PARD6G: variants seen among roughly 807,000 people sequenced by gnomAD.
PARD6G encodes par-6 family cell polarity regulator gamma.
Under a neutral mutation model 10.7 loss-of-function variants are expected in PARD6G, and 7 were observed. The observed-to-expected ratio is 0.66, with a 90% CI of 0.37 to 1.23. The LOEUF (loss-of-function observed/expected upper bound fraction) is 1.23. PARD6G is among the 50% of genes most tolerant of loss of function. PARD6G has a pLI of 0.02. For missense variants in PARD6G, 548 were observed against 571.8 expected (o/e 0.96, Z 0.42); for synonymous variants, 287 against 269.4 (o/e 1.07, Z -0.64).
At chr18:80,170,436 C>T (rs1044454539) in intron 2 of PARD6G, 1 of 152,418 alleles carries the variant, frequency 6.6e-6, no homozygotes, top group Non-Finnish European at 1.5e-5. Flanking sequence ...CCCCATCTGC[C>T]AGAGCAAATC....
intron 2 of PARD6G, among the ~76,000 whole-genome samples, chr18:80,193,086 C>T (rs983441517): frequency 2.0e-5 from 3 of 152,114 alleles, no homozygotes; most frequent in African/African-American, 4.8e-5. Context: ...TAATTTAACT[C>T]GGAGACCCAC....
chr18:80,240,103 C>T (rs973820267), intron 1 of PARD6G, among the ~76,000 whole-genome samples: 5 of 152,218 alleles, frequency 3.3e-5, no homozygotes, highest in African/African-American at 9.7e-5. Context: ...GGCACCAAGC[C>T]ATTCACGAGG....
chr18:80,213,966 TCA>T (rs957348253), intron 1 of PARD6G, among the ~76,000 whole-genome samples: 1 of 146,214 alleles, frequency 6.8e-6, no homozygotes, highest in African/African-American at 2.6e-5. Flanking sequence ...AAAAAAAAGT[TCA>T]GTTTTGAGCA....
At chr18:80,234,136 T>G (rs1050834910) in intron 1 of PARD6G, among the ~76,000 whole-genome samples, 1 of 151,874 alleles carries the variant, frequency 6.6e-6, no homozygotes, top group African/African-American at 2.4e-5. Context: ...AGGCACGTTT[T>G]CCAAGAAAGA....
At chr18:80,235,867 G>C (rs149740862) in intron 1 of PARD6G, among the ~76,000 whole-genome samples, 3,849 of 152,060 alleles carry the variant, frequency 0.025, 154 homozygotes, top group African/African-American at 0.088. Flanking sequence ...TAATAGCTTA[G>C]CAACCAAAAA....
Position 80,182,132 on chromosome 18 carries a change from G to T in PARD6G, c.295+20578C>A, listed in dbSNP as rs1001811943. The stretch of plus-strand genomic sequence containing the variant: ...CAGCTGCTCACCCACAGTGCTCTGG[G>T]CCCCTCCCACTTCCACAACTGCGAC... On this transcript the variant is annotated intron_variant, in intron 2 of 2. Transcript: ENST00000353265. This position sits in a 1 kb window ranked among gnomAD's most constrained non-coding sequence, Gnocchi z 4.5. Among the ~76,000 whole-genome samples the T allele has an allele frequency of 6.6e-6, 1 of 152,190 alleles. No homozygotes were observed. Among genetic ancestry groups the T allele is most frequent in the Non-Finnish European group, 1.5e-5 (1 of 68,034 alleles).
At chr18:80,198,709 GA>G in intron 2 of PARD6G, among the ~76,000 whole-genome samples, 1 of 152,030 alleles carries the variant, frequency 6.6e-6, no homozygotes. Flanking sequence ...TTAAAGTTTT[GA>G]ACAAATATGT....
intron 1 of PARD6G, among the ~76,000 whole-genome samples, chr18:80,240,563 CAT>C (rs1348694586): frequency 3.9e-5 from 6 of 152,120 alleles, no homozygotes; most frequent in Non-Finnish European, 8.8e-5. Context: ...CCTCTGAAAA[CAT>C]GTGGGGAGGA....
intron 1 of PARD6G, among the ~76,000 whole-genome samples, chr18:80,208,393 T>G (rs934613992): frequency 3.3e-5 from 5 of 152,144 alleles, no homozygotes; most frequent in Non-Finnish European, 7.4e-5. Context: ...AAACCACCAT[T>G]AAAGGTTAGC....
rs1286433734 is a variant in PARD6G, at chr18:80,160,004, CGTT to C, written c.895_897del (p.Asn299del). ...TCCAGTGTGCCCTCGATGACGACGT[CGTT>C]GTCCTCATCGCTCTCCGCCTCGTCG... On this transcript the variant is annotated inframe_deletion, in exon 3 of 3. Transcript: ENST00000353265. The C allele has an allele frequency of 2.0e-6, 3 of 1,524,638 alleles. No individual in the cohort carries two copies. Among genetic ancestry groups the C allele is most frequent in the Admixed American group, 4.3e-5 (2 of 46,852 alleles). 94.4% of individuals were successfully genotyped at this position (1,524,638 alleles called of 1,614,324 possible). A position where few individuals can be genotyped will look rare whatever the true frequency, so the allele number is the denominator to read the frequency against.
chr18:80,232,988 G>A (rs1025437271), intron 1 of PARD6G, among the ~76,000 whole-genome samples: 1 of 152,148 alleles, frequency 6.6e-6, no homozygotes, highest in African/African-American at 2.4e-5. Flanking sequence ...GGGACCTGGG[G>A]CTGCTCATCT....
At chr18:80,239,322 G>A (rs1967463494) in intron 1 of PARD6G, among the ~76,000 whole-genome samples, 1 of 152,150 alleles carries the variant, frequency 6.6e-6, no homozygotes, top group Non-Finnish European at 1.5e-5. Flanking sequence ...GTGTGCCCAG[G>A]CAACTCTGCA....
chr18:80,244,348 A>T (rs1967520527), intron 1 of PARD6G, among the ~76,000 whole-genome samples: 1 of 152,148 alleles, frequency 6.6e-6, no homozygotes. Context: ...GAATTCAGGT[A>T]AAAATGTTTG....
intron 1 of PARD6G, among the ~76,000 whole-genome samples, chr18:80,207,581 A>G (rs1284781036): frequency 6.6e-6 from 1 of 152,228 alleles, no homozygotes; most frequent in Non-Finnish European, 1.5e-5. Context: ...ATTTACTATA[A>G]CAATCTATTT....
rs1424562932 is a variant in PARD6G, at chr18:80,161,943, T to C, written c.296-1337A>G. 3 of 152,384 alleles carry C rather than the reference T, an allele frequency of 2.0e-5. No individual in the cohort carries two copies. The East Asian group carries it at 5.8e-4, about 29-fold the overall frequency. The allele number at this position is 152,384 out of a possible 1,614,324, so 9.4% of individuals were successfully genotyped here. ...GTTCTGGAAAGGACTCGAAGACAAA[T>C]TACTTCCACCATGGAGGCAACATTC... On this transcript the variant is annotated intron_variant, in intron 2 of 2. Coordinates refer to ENST00000353265, the MANE Select transcript of PARD6G (RefSeq NM_032510.4). This position sits in a 1 kb window ranked among gnomAD's most constrained non-coding sequence, Gnocchi z 4.6.
chr18:80,213,215 A>G (rs1180973303), intron 1 of PARD6G, among the ~76,000 whole-genome samples: 1 of 152,222 alleles, frequency 6.6e-6, no homozygotes, highest in African/African-American at 2.4e-5. Context: ...ACAATTTTTA[A>G]AAACGAAAAA....
intron 2 of PARD6G, among the ~76,000 whole-genome samples, chr18:80,194,053 G>A (rs964943028): frequency 6.6e-6 from 1 of 152,170 alleles, no homozygotes; most frequent in African/African-American, 2.4e-5. Context: ...TCCAAATCTT[G>A]CTTACGTTTC....
intron 1 of PARD6G, among the ~76,000 whole-genome samples, chr18:80,225,607 A>G (rs1002534433): frequency 6.6e-6 from 1 of 152,152 alleles, no homozygotes; most frequent in African/African-American, 2.4e-5. Flanking sequence ...TGAAGGGCAA[A>G]TGTTTCTGAC....
Position 80,231,657 on chromosome 18 carries a change from G to A in PARD6G, c.72+15620C>T, listed in dbSNP as rs1967359086. On this transcript the variant is annotated intron_variant, in intron 1 of 2. Transcript: ENST00000353265. The surrounding 1 kb of genome is among the most constrained non-coding windows in gnomAD (Gnocchi z 4.2). ...TAAAAACATTCATCCCAGGGTTGTG[G>A]TGAGACTCTAATATGAACACATGTC... Among the ~76,000 whole-genome samples the A allele has an allele frequency of 6.6e-6, 1 of 152,134 alleles. No individual in the cohort carries two copies.
Sources: allele counts gnomAD v4.1 joint callset (sites outside exome capture counted in the v4.1 genomes callset), GRCh38; gene constraint gnomAD v4.1.1; non-coding constraint Gnocchi (gnomAD v3.1); transcripts MANE v1.5; gene names NCBI Gene and HGNC (gene_info 2026-07-23, HGNC 2026-07-21).